FAT4: variants seen among roughly 807,000 people sequenced by gnomAD.
The protein encoded by FAT4 is protocadherin Fat 4.
In FAT4, 84 loss-of-function variants were observed where a neutral mutation model predicts 303.9. That is an observed-to-expected ratio of 0.28 (90% CI 0.23 to 0.33). The LOEUF is 0.33. FAT4 is among the 10% of genes least tolerant of loss of function. The pLI is 1.00. For missense variants in FAT4, 6,005 were observed against 6,146.8 expected, an observed-to-expected ratio of 0.98 and a Z score of 0.77; for synonymous variants, 2,307 against 2,298.8, an observed-to-expected ratio of 1.00 and a Z score of -0.10.
rs186695733 is a variant in FAT4, at chr4:125,445,870, C to A, written c.7200-423C>A. 2.0e-3 allele frequency among the ~76,000 whole-genome samples: 311 copies of A among 152,214 alleles called. 2 individuals are homozygous for A. The highest frequency in any genetic ancestry group is 6.8e-3 in the African/African-American group (283 of 41,538). On this transcript the variant is annotated intron_variant, in intron 8 of 17. Transcript: ENST00000394329. ...TAAAAGAATACAATTTTCAACTGAT[C>A]TTCTCTGGTTTATTATGGTATACAG...
At chr4:125,407,922 T>C (rs1734684342) in intron 4 of FAT4, among the ~76,000 whole-genome samples, 1 of 152,158 alleles carries the variant, frequency 6.6e-6, no homozygotes, top group African/African-American at 2.4e-5. Flanking sequence ...GAATTAAACA[T>C]CTACAGGAGA....
At chr4:125,332,773 C>T (rs1212895647) in intron 2 of FAT4, among the ~76,000 whole-genome samples, 3 of 152,000 alleles carry the variant, frequency 2.0e-5, no homozygotes, top group Admixed American at 2.0e-4. Flanking sequence ...ATCTATCTTT[C>T]GAAACTACTC....
intron 2 of FAT4, among the ~76,000 whole-genome samples, chr4:125,387,544 T>C (rs1436267182): frequency 6.6e-6 from 1 of 152,190 alleles, no homozygotes; most frequent in East Asian, 1.9e-4. Flanking sequence ...CCCCAATCTA[T>C]GATTCGTTCC....
chr4:125,450,653 G>A lies in FAT4; in HGVS notation c.9643G>A (p.Val3215Ile). The change falls in exon 10 of 18, where the codon GTT becomes ATT. Residue 3215 changes from valine to isoleucine, a missense_variant. Coordinates refer to ENST00000394329, the MANE Select transcript of FAT4 (RefSeq NM_001291303.3). ...GGAAAATGCCCCAAGTGGAACAACA[G>A]TTATCCACCTAAATGCAACAGATGC... ...VLENAPSGTTVIHLNATDADS... is the reference protein window; with the variant it reads ...VLENAPSGTTIIHLNATDADS... 1 of 1,614,046 alleles carries A rather than the reference G, an allele frequency of 6.2e-7. No homozygotes were observed. The highest frequency in any genetic ancestry group is 8.5e-7 in the Non-Finnish European group (1 of 1,179,980).
At chr4:125,479,942 T>A in intron 15 of FAT4, 77 bp downstream of exon 15, 1 of 1,162,186 alleles carries the variant, frequency 8.6e-7, no homozygotes, top group South Asian at 3.0e-5. Context: ...AAGTATGTAA[T>A]CAAATTAAAA....
intron 8 of FAT4, among the ~76,000 whole-genome samples, chr4:125,439,760 T>C (rs1357252911): frequency 6.6e-6 from 1 of 152,214 alleles, no homozygotes; most frequent in Non-Finnish European, 1.5e-5. Context: ...TTGAACCATG[T>C]AGATATCTAT....
In FAT4 at chr4:125,491,730, C is replaced by G. The variant is rs753225272; in HGVS notation, c.14914C>G (p.Pro4972Ala). 2 of 1,613,744 alleles carry G rather than the reference C, an allele frequency of 1.2e-6. No homozygotes were observed. Among genetic ancestry groups the G allele is most frequent in the Non-Finnish European group, 1.7e-6 (2 of 1,179,794 alleles). The stretch of plus-strand genomic sequence containing the variant: ...AGAAGGCAAAGCTGGGACAACTAAA[C>G]CAGTCCCCAAAGATGGGGAAGCAGA... Reference protein sequence around the residue: ...NEEGKAGTTKPVPKDGEAEQY... With the variant: ...NEEGKAGTTKAVPKDGEAEQY... The change falls in exon 18 of 18, where the codon CCA (proline) becomes GCA (alanine). Residue 4972 changes from proline (P) to alanine (A), a missense_variant. Physicochemically the swap from Pro to Ala is conservative, Grantham distance 27. Transcript: ENST00000394329.
At chr4:125,475,428 A>G (rs1179634620) in intron 12 of FAT4, among the ~76,000 whole-genome samples, 1 of 152,076 alleles carries the variant, frequency 6.6e-6, no homozygotes, top group Non-Finnish European at 1.5e-5. Context: ...AGGAGTATTC[A>G]TATGTTCTAC....
chr4:125,458,991 A>G (rs1290276393), intron 10 of FAT4, among the ~76,000 whole-genome samples: 1 of 152,016 alleles, frequency 6.6e-6, no homozygotes, highest in Non-Finnish European at 1.5e-5. Context: ...TATAAGATAA[A>G]TGCCTAGAAT....
Position 125,491,767 on chromosome 4 carries a change from G to T in FAT4, c.14951G>T (p.Ter4984LeuextTer14). The T allele has an allele frequency of 6.2e-7, 1 of 1,605,240 alleles. No individual in the cohort carries two copies. The highest frequency in any genetic ancestry group is 1.1e-5 in the South Asian group (1 of 89,782). The change falls in exon 18 of 18, where the codon TGA becomes TTA. Residue 4984 changes from the stop codon to leucine (L), a stop_lost. Transcript: ENST00000394329. ...PKDGEAEQYV[*>L] ...GATGGGGAAGCAGAACAGTATGTGT[G>T]AAGTTTATGTACTGGCACTATAAAA... is the stretch of plus-strand genomic sequence containing the variant.
chr4:125,356,890 A>T (rs1436563059), intron 2 of FAT4, among the ~76,000 whole-genome samples: 3 of 151,802 alleles, frequency 2.0e-5, no homozygotes, highest in Non-Finnish European at 4.4e-5. Context: ...GGGATACTGC[A>T]CATTGCATTA....
chr4:125,334,711 A>G (rs1157964440), intron 2 of FAT4, among the ~76,000 whole-genome samples: 3 of 152,190 alleles, frequency 2.0e-5, no homozygotes, highest in Non-Finnish European at 4.4e-5. Flanking sequence ...AACATAATTC[A>G]GAGTTATTAA....
At chr4:125,418,896 GCAAT>G (rs1735173526) in intron 7 of FAT4, among the ~76,000 whole-genome samples, 1 of 3,570 alleles carries the variant, frequency 2.8e-4, no homozygotes, top group South Asian at 0.038. Flanking sequence ...TCTCATATGT[GCAAT>G]AAATAAAATA....
rs1356533653 is a variant in FAT4, at chr4:125,318,656, A to T, written c.2245A>T (p.Met749Leu). The part of the protein sequence containing the change: ...NAQSGVISTR[M>L]ALDREEKTAY... Reference sequence around the variant, plus strand: ...TCAGAGTGGGGTTATTTCTACAAGAATGGCCCTAGACAGAGAAGAAAAAAC... The same window carrying T: ...TCAGAGTGGGGTTATTTCTACAAGATTGGCCCTAGACAGAGAAGAAAAAAC... Residue 749 changes from methionine (M) to leucine (L), a missense_variant, in exon 2 of 18, where the codon ATG (methionine) becomes TTG (leucine). Met to Leu is a conservative substitution (Grantham distance 15, BLOSUM62 2). Coordinates refer to ENST00000394329, the MANE Select transcript of FAT4 (RefSeq NM_001291303.3). The T allele has an allele frequency of 6.2e-7, 1 of 1,614,150 alleles. No individual in the cohort carries two copies. Among genetic ancestry groups the T allele is most frequent in the South Asian group, 1.1e-5 (1 of 91,090 alleles).
Position 125,490,335 on chromosome 4 carries a change from G to A in FAT4, c.13519G>A (p.Val4507Met). The change falls in exon 18 of 18, where the codon GTG becomes ATG. Residue 4507 changes from valine (V) to methionine (M), a missense_variant. Transcript: ENST00000394329. ...PEEISLPLWA[V>M]PAIVGSCATV... ...AGAGATCTCTCTGCCTTTGTGGGCT[G>A]TGCCTGCCATCGTGGGCAGCTGCGC... The A allele has an allele frequency of 6.2e-7, 1 of 1,614,136 alleles. No homozygotes were observed. Among genetic ancestry groups the A allele is most frequent in the Non-Finnish European group, 8.5e-7 (1 of 1,180,032 alleles).
At chr4:125,390,995 G>A (rs1181224443) in intron 2 of FAT4, among the ~76,000 whole-genome samples, 2 of 152,074 alleles carry the variant, frequency 1.3e-5, no homozygotes, top group African/African-American at 2.4e-5. Context: ...AGTCAGAATG[G>A]CAATTATTAA....
At position 125,319,441 on chromosome 4, in the gene FAT4, T is replaced by C. The variant is rs1256469722; in HGVS notation, c.3030T>C (p.Pro1010=). 1 of 1,613,612 alleles carries C rather than the reference T, an allele frequency of 6.2e-7. No homozygotes were observed. The highest frequency in any genetic ancestry group is 1.3e-5 in the African/African-American group (1 of 74,940). ...SYEVTLSESE[P]VNSRFFKVQA... is the part of the protein sequence containing the mutation. ...AAGTCACCCTTTCTGAGTCAGAACC[T>C]GTGAATTCTCGATTCTTTAAAGTAC... Residue 1010 remains proline, a synonymous_variant, in exon 2 of 18, where the codon CCT becomes CCC. Transcript: ENST00000394329.
chr4:125,425,876 G>A (rs1247720589), intron 7 of FAT4, among the ~76,000 whole-genome samples: 1 of 152,064 alleles, frequency 6.6e-6, no homozygotes, highest in Non-Finnish European at 1.5e-5. Flanking sequence ...ATAAATAGTA[G>A]GTCTTCAGGG....
At chr4:125,402,524 T>C (rs896852365) in intron 3 of FAT4, among the ~76,000 whole-genome samples, 1 of 152,048 alleles carries the variant, frequency 6.6e-6, no homozygotes, top group Non-Finnish European at 1.5e-5. Flanking sequence ...TGTCTTAGAC[T>C]CAGCTGTTCC....
Sources: allele counts gnomAD v4.1 joint callset (sites outside exome capture counted in the v4.1 genomes callset), GRCh38; gene constraint gnomAD v4.1.1; transcripts MANE v1.5; gene names NCBI Gene and HGNC (gene_info 2026-07-23, HGNC 2026-07-21).